CDH23: variants seen among roughly 807,000 people sequenced by gnomAD.
CDH23 encodes the protein cadherin related 23.
CDH23 carries 189 observed loss-of-function variants against 317.1 expected under a neutral mutation model. The ratio of observed to expected loss-of-function variants is 0.60; its 90% confidence interval spans 0.53 to 0.67. The LOEUF is 0.67. Among genes scored for constraint, CDH23 ranks in the 30% least tolerant of loss-of-function variants. CDH23 has a pLI of 0.00. For synonymous variants in CDH23, 1,839 were observed against 1,876.8 expected (o/e 0.98, Z 0.52); for missense variants, 4,401 against 4,592.4 (o/e 0.96, Z 1.20).
intron 11 of CDH23, among the ~76,000 whole-genome samples, chr10:71,633,316 A>G (rs112391992): frequency 2.9e-4 from 44 of 151,588 alleles, no homozygotes; most frequent in African/African-American, 9.9e-4. Context: ...TTTTTCTCAC[A>G]CTCACACATG....
intron 36 of CDH23, among the ~76,000 whole-genome samples, chr10:71,740,462 C>G (rs1367649210): frequency 1.3e-5 from 2 of 152,348 alleles, no homozygotes; most frequent in South Asian, 2.1e-4. Context: ...AGACAGGAGC[C>G]TTGGGTCAGG....
intron 2 of CDH23, 64 bp from the exon 3 acceptor site, chr10:71,446,254 C>A: frequency 4.0e-6 from 6 of 1,482,972 alleles, no homozygotes; most frequent in Middle Eastern, 1.8e-4. Flanking sequence ...CCCTGTGTCA[C>A]CTTATAGAGT....
At chr10:71,701,123 T>A (rs1865567678) in intron 22 of CDH23, among the ~76,000 whole-genome samples, 1 of 151,912 alleles carries the variant, frequency 6.6e-6, no homozygotes, top group African/African-American at 2.4e-5. Flanking sequence ...GAGCGAGGGG[T>A]AAGGGGCCAC....
intron 1 of CDH23, among the ~76,000 whole-genome samples, chr10:71,422,648 A>G (rs927743996): frequency 9.2e-5 from 14 of 152,154 alleles, no homozygotes; most frequent in Admixed American, 2.6e-4. Flanking sequence ...TGAGGTGAGG[A>G]GCTAGGCCCC....
At chr10:71,568,378 C>T (rs140205358) in intron 7 of CDH23, among the ~76,000 whole-genome samples, 54 of 152,342 alleles carry the variant, frequency 3.5e-4, no homozygotes, top group African/African-American at 1.2e-3. Flanking sequence ...CCCAGAAACA[C>T]GCAGATGCTT....
intron 3 of CDH23, among the ~76,000 whole-genome samples, chr10:71,466,443 T>A (rs1851258524): frequency 6.6e-6 from 1 of 152,030 alleles, no homozygotes; most frequent in South Asian, 2.1e-4. Flanking sequence ...CATGTGTGAG[T>A]GTACATGCAT....
At chr10:71,412,929 G>A (rs1848399311) in intron 1 of CDH23, among the ~76,000 whole-genome samples, 1 of 152,118 alleles carries the variant, frequency 6.6e-6, no homozygotes, top group Non-Finnish European at 1.5e-5. Flanking sequence ...CGTCCTCTGG[G>A]TGGCTTTTTT....
intron 30 of CDH23, among the ~76,000 whole-genome samples, chr10:71,727,458 G>C (rs1160887388): frequency 6.6e-6 from 1 of 152,204 alleles, no homozygotes; most frequent in East Asian, 1.9e-4. Context: ...CGGGAGAGCT[G>C]GGGGCCTTCC....
At chr10:71,504,031 GT>G (rs199792678) in intron 3 of CDH23, among the ~76,000 whole-genome samples, 3,604 of 146,228 alleles carry the variant, frequency 0.025, 72 homozygotes, top group African/African-American at 0.059. Context: ...TCAATTTAAG[GT>G]TTTTTTTTTT....
chr10:71,516,807 C>G (rs554736649), intron 6 of CDH23, among the ~76,000 whole-genome samples: 2 of 152,346 alleles, frequency 1.3e-5, no homozygotes, highest in East Asian at 3.9e-4. Context: ...CATGTAGCTT[C>G]ACTTCTACCT....
At chr10:71,711,401 C>T (rs1042188021) in intron 27 of CDH23, among the ~76,000 whole-genome samples, 11 of 152,172 alleles carry the variant, frequency 7.2e-5, no homozygotes, top group African/African-American at 2.2e-4. Context: ...GATGGCGTCA[C>T]CCTAGGTCTC....
At chr10:71,572,158 C>T (rs1248653297) in intron 8 of CDH23, among the ~76,000 whole-genome samples, 1 of 152,192 alleles carries the variant, frequency 6.6e-6, no homozygotes, top group Non-Finnish European at 1.5e-5. Context: ...AGATCAATGC[C>T]CCCAATTCCC....
At position 71,579,616 on chromosome 10, in the gene CDH23, A is replaced by T. The variant is rs528431618; in HGVS notation, c.832+1624A>T. ...CCCAAGAATGGTCCTTTCTCACAGCACCCCAGGCAGCTCAGGTGCAGGCAG... is the reference window on the plus strand; with the variant it reads ...CCCAAGAATGGTCCTTTCTCACAGCTCCCCAGGCAGCTCAGGTGCAGGCAG... On this transcript the variant is annotated intron_variant, in intron 9 of 69. Transcript: ENST00000224721. Among the ~76,000 whole-genome samples the T allele has an allele frequency of 6.6e-5, 10 of 152,006 alleles. No individual in the cohort carries two copies. In the East Asian group the frequency reaches 1.7e-3, roughly 26 times the overall value.
At chr10:71,688,930 G>A (rs1865043540) in intron 19 of CDH23, among the ~76,000 whole-genome samples, 2 of 115,624 alleles carry the variant, frequency 1.7e-5, no homozygotes, top group African/African-American at 5.8e-5. Flanking sequence ...GTGGAGCCAG[G>A]GGTGGTGGAG....
intron 1 of CDH23, among the ~76,000 whole-genome samples, chr10:71,438,078 C>A (rs969044814): frequency 2.6e-5 from 4 of 152,222 alleles, no homozygotes; most frequent in Admixed American, 2.0e-4. Context: ...TGGTGGCTCA[C>A]GCCTGTAATC....
chr10:71,436,722 C>A (rs1849640030), intron 1 of CDH23, among the ~76,000 whole-genome samples: 1 of 152,222 alleles, frequency 6.6e-6, no homozygotes, highest in African/African-American at 2.4e-5. Flanking sequence ...CCTTCCACCG[C>A]AAACTTCCTG....
intron 3 of CDH23, among the ~76,000 whole-genome samples, chr10:71,468,671 T>C (rs1039315395): frequency 6.6e-6 from 1 of 152,258 alleles, no homozygotes; most frequent in African/African-American, 2.4e-5. Flanking sequence ...AAATGGTGTC[T>C]GGCACCTCAG....
intron 3 of CDH23, among the ~76,000 whole-genome samples, chr10:71,506,249 G>C (rs1467236790): frequency 6.6e-6 from 1 of 151,980 alleles, no homozygotes; most frequent in Non-Finnish European, 1.5e-5. Flanking sequence ...CATGGGGAGT[G>C]ACTGGTTCAT....
At chr10:71,713,254 C>T (rs768426691) in intron 28 of CDH23, 3 of 779,338 alleles carry the variant, frequency 3.8e-6, no homozygotes, top group South Asian at 1.3e-5. Flanking sequence ...GAAGAAAGGG[C>T]TCCTTTGCCC....
Sources: gnomAD v4.1 joint callset for allele counts (sites outside exome capture counted in the v4.1 genomes callset) on GRCh38, gnomAD v4.1.1 for gene constraint, MANE v1.5 for transcripts, NCBI Gene and HGNC (gene_info 2026-07-23, HGNC 2026-07-21) for gene names.